DDX60: variants seen among roughly 807,000 people sequenced by gnomAD.
DDX60 encodes probable ATP-dependent RNA helicase DDX60.
DDX60 carries 165 observed loss-of-function variants against 212.8 expected under a neutral mutation model. The observed-to-expected ratio is 0.78, with a 90% CI of 0.68 to 0.88. The LOEUF (loss-of-function observed/expected upper bound fraction) is 0.88, where lower values mean the gene tolerates loss of function less well. Ranked by LOEUF, DDX60 falls within the 40% of genes least tolerant of loss-of-function variation. DDX60 has a pLI of 0.00. For missense variants in DDX60, 1,905 were observed against 2,003.9 expected, an observed-to-expected ratio of 0.95 and a Z score of 0.94; for synonymous variants, 703 against 685.3, an observed-to-expected ratio of 1.03 and a Z score of -0.40.
intron 14 of DDX60, among the ~76,000 whole-genome samples, chr4:168,279,281 T>C (rs1357384867): frequency 6.6e-6 from 1 of 152,242 alleles, no homozygotes; most frequent in African/African-American, 2.4e-5. Context: ...AGAGGAAAGC[T>C]TGGAATACTA....
chr4:168,260,785 C>G, intron 25 of DDX60, 80 bp downstream of exon 25: 1 of 1,267,806 alleles, frequency 7.9e-7, no homozygotes. Context: ...GGTCTGTGGC[C>G]TGGAGGTTGG....
chr4:168,278,095 T>C lies in DDX60; in HGVS notation c.1979-1914A>G, dbSNP rs375979098. ...TTAATAGTGGCCCCAAACTGTAAAA[T>C]AAGTGATGTTGGCAATTCAGATATG... On this transcript the variant is annotated intron_variant, in intron 14 of 37. Coordinates refer to ENST00000393743, the MANE Select transcript of DDX60 (RefSeq NM_017631.6). Among the ~76,000 whole-genome samples, 117 of 152,248 alleles carry C rather than the reference T, an allele frequency of 7.7e-4. No homozygotes were observed. The East Asian group carries it at 0.015, about 19-fold the overall frequency.
chr4:168,264,152 T>C (rs2149513353), intron 22 of DDX60, among the ~76,000 whole-genome samples: 1 of 152,276 alleles, frequency 6.6e-6, no homozygotes, highest in East Asian at 1.9e-4. Context: ...AATCAGAAGA[T>C]CTGGTTCTAA....
the DDX60 span, among the ~76,000 whole-genome samples, chr4:168,325,273 TA>T: frequency 6.6e-6 from 1 of 152,232 alleles, no homozygotes; most frequent in African/African-American, 2.4e-5. Context: ...TGTGGCTTTG[TA>T]AGAAAATTCA....
At chr4:168,297,162 G>A (rs1219455806) in intron 6 of DDX60, among the ~76,000 whole-genome samples, 2 of 151,536 alleles carry the variant, frequency 1.3e-5, no homozygotes, top group Non-Finnish European at 2.9e-5. Flanking sequence ...ACCTACCTTG[G>A]CCTCCCAAAG....
chr4:168,310,451 A>T (rs982115100), intron 3 of DDX60, among the ~76,000 whole-genome samples: 1 of 152,152 alleles, frequency 6.6e-6, no homozygotes, highest in Non-Finnish European at 1.5e-5. Context: ...CTATACTAAG[A>T]CCAGAGAAAC....
At chr4:168,319,492 T>C (rs17526975), upstream of DDX60, among the ~76,000 whole-genome samples, 4,476 of 152,272 alleles carry the variant, frequency 0.029, 100 homozygotes, top group Non-Finnish European at 0.046. Context: ...AAGCTGATGA[T>C]TACTGTTCTG....
intron 8 of DDX60, among the ~76,000 whole-genome samples, chr4:168,290,551 G>T (rs1736048570): frequency 6.6e-6 from 1 of 151,886 alleles, no homozygotes; most frequent in African/African-American, 2.4e-5. Flanking sequence ...ATGTTAGCCA[G>T]GATGGTCTTG....
chr4:168,234,194 C>T (rs1244326494), intron 33 of DDX60, among the ~76,000 whole-genome samples: 3 of 152,074 alleles, frequency 2.0e-5, no homozygotes, highest in African/African-American at 7.2e-5. Flanking sequence ...TGTTTTTCTA[C>T]ATTTATCCTC....
chr4:168,319,689 T>C (rs1737554531), upstream of DDX60, among the ~76,000 whole-genome samples: 1 of 152,176 alleles, frequency 6.6e-6, no homozygotes, highest in Admixed American at 6.5e-5. Context: ...GTATGCTTGA[T>C]TTCATTAATG....
At chr4:168,245,108 C>T (rs60152389) in intron 30 of DDX60, among the ~76,000 whole-genome samples, 4,175 of 151,948 alleles carry the variant, frequency 0.027, 203 homozygotes, top group African/African-American at 0.095. Flanking sequence ...TGCATTTCAC[C>T]GCAATAAATA....
At chr4:168,287,980 T>A (rs565238695) in intron 9 of DDX60, among the ~76,000 whole-genome samples, 194 bp downstream of exon 9, 232 of 152,248 alleles carry the variant, frequency 1.5e-3, no homozygotes, top group Middle Eastern at 3.4e-3. Context: ...TAATGTAATA[T>A]TAAGTGAAAA....
chr4:168,221,625 G>C, intron 36 of DDX60, 105 bp downstream of exon 36: 1 of 1,239,116 alleles, frequency 8.1e-7, no homozygotes, highest in Non-Finnish European at 1.1e-6. Flanking sequence ...GATTTAACCT[G>C]CACTTGAAAC....
intron 3 of DDX60, among the ~76,000 whole-genome samples, chr4:168,309,101 C>A (rs1737019841): frequency 6.6e-6 from 1 of 152,180 alleles, no homozygotes; most frequent in African/African-American, 2.4e-5. Context: ...TACTGTACTA[C>A]TGTAATAACT....
chr4:168,270,867 C>CT (rs1735062819), intron 19 of DDX60, among the ~76,000 whole-genome samples: 1 of 125,432 alleles, frequency 8.0e-6, no homozygotes. Flanking sequence ...CCTTTTTTTT[C>CT]TTTCTTTCTT....
At chr4:168,317,597 A>AGAGC (rs1275010050) in intron 1 of DDX60, among the ~76,000 whole-genome samples, 2 of 152,134 alleles carry the variant, frequency 1.3e-5, no homozygotes, top group African/African-American at 4.8e-5. Context: ...GTGGGTTAAA[A>AGAGC]TGGCTTCCAG....
At chr4:168,272,004 G>T in intron 19 of DDX60, 39 bp downstream of exon 19, 1 of 1,426,262 alleles carries the variant, frequency 7.0e-7, no homozygotes, top group Non-Finnish European at 9.7e-7. Context: ...ATGCAAGTGT[G>T]CACTAGGGAA....
intron 30 of DDX60, among the ~76,000 whole-genome samples, chr4:168,241,212 G>A (rs993191024): frequency 6.6e-6 from 1 of 152,102 alleles, no homozygotes; most frequent in Non-Finnish European, 1.5e-5. Flanking sequence ...TCTTTCTTTT[G>A]TAAATTTCCC....
chr4:168,323,605 C>G (rs1211732146), upstream of DDX60, among the ~76,000 whole-genome samples: 1 of 152,178 alleles, frequency 6.6e-6, no homozygotes, highest in Non-Finnish European at 1.5e-5. Flanking sequence ...TCATTAATGT[C>G]TAGAACTCCA....
Sources: gnomAD v4.1 joint callset for allele counts (sites outside exome capture counted in the v4.1 genomes callset) on GRCh38, gnomAD v4.1.1 for gene constraint, MANE v1.5 for transcripts, NCBI Gene and HGNC (gene_info 2026-07-23, HGNC 2026-07-21) for gene names.